Variants in ALG12 observed in about 807,000 individuals in gnomAD.
ALG12 encodes the protein ALG12 alpha-1,6-mannosyltransferase, also known as dol-P-Man:Man(7)GlcNAc(2)-PP-Dol alpha-1,6-mannosyltransferase.
In ALG12, 36 loss-of-function variants were observed where a neutral mutation model predicts 46.0. That is an observed-to-expected ratio of 0.78 (90% CI 0.60 to 1.03). ALG12 has a LOEUF of 1.03. Ranked by LOEUF, ALG12 falls within the 50% of genes least tolerant of loss-of-function variation. The pLI, the probability that ALG12 is intolerant of heterozygous loss-of-function variation, is 0.00. For synonymous variants in ALG12, 326 were observed against 291.6 expected (o/e 1.12, Z -1.20); for missense variants, 599 against 633.5 (o/e 0.95, Z 0.58).
chr22:49,884,865 G>C, the ALG12 span: 3 of 1,608,124 alleles, frequency 1.9e-6, no homozygotes, highest in Non-Finnish European at 2.6e-6. Flanking sequence ...AGTCTCACTT[G>C]AACCCTGGAG....
At chr22:49,896,322 A>G (rs1255067999), downstream of ALG12, among the ~76,000 whole-genome samples, 1 of 152,242 alleles carries the variant, frequency 6.6e-6, no homozygotes, top group African/African-American at 2.4e-5. Context: ...AGGTTTTTCC[A>G]GAAGCATCCC....
the ALG12 span, among the ~76,000 whole-genome samples, chr22:49,861,201 CTTGT>C: frequency 3.3e-5 from 5 of 151,984 alleles, no homozygotes; most frequent in Admixed American, 6.6e-5. Flanking sequence ...TCTGGTTTTT[CTTGT>C]TTGTTTGTTA....
the ALG12 span, among the ~76,000 whole-genome samples, chr22:49,893,179 G>A: frequency 0.36 from 54,217 of 152,094 alleles, 13,857 homozygotes; most frequent in African/African-American, 0.73. Flanking sequence ...GAGACACAGC[G>A]CAAGAGAAAA....
chr22:49,895,887 TAAATG>T (rs1418358270), downstream of ALG12, among the ~76,000 whole-genome samples: 2 of 152,214 alleles, frequency 1.3e-5, no homozygotes, highest in African/African-American at 4.8e-5. Flanking sequence ...CAGCTGCAGT[TAAATG>T]AGATTAGATT....
In ALG12 at chr22:49,909,248, C is replaced by A. The variant is rs781106172; in HGVS notation, c.764G>T (p.Trp255Leu). The change falls in exon 6 of 10, where the codon TGG (tryptophan) becomes TTG (leucine). Residue 255 changes from tryptophan (W) to leucine (L), a missense_variant. Trp to Leu is a moderately conservative substitution (Grantham distance 61). Coordinates refer to ENST00000330817, the MANE Select transcript of ALG12 (RefSeq NM_024105.4). ...YNTVLNKSSN[W>L]GTSPLLWYFY... Reference sequence around the variant, plus strand: ...TGCACGGACACTGAAGGATACCCCCCAGTTGGAGCTTTTGTTCAGGACAGT... The same window carrying A: ...TGCACGGACACTGAAGGATACCCCCAAGTTGGAGCTTTTGTTCAGGACAGT... 42 of 1,614,228 alleles carry A rather than the reference C, an allele frequency of 2.6e-5. No homozygotes were observed. Among genetic ancestry groups the A allele is most frequent in the Non-Finnish European group, 3.5e-5 (41 of 1,180,018 alleles).
the ALG12 span, among the ~76,000 whole-genome samples, chr22:49,879,166 A>G: frequency 8.0e-4 from 120 of 150,920 alleles, no homozygotes; most frequent in Non-Finnish European, 1.4e-3. Flanking sequence ...AAAAACAAAA[A>G]AAAACAGGAG....
the ALG12 span, among the ~76,000 whole-genome samples, chr22:49,864,997 C>A: frequency 8.0e-6 from 1 of 125,622 alleles, no homozygotes; most frequent in African/African-American, 2.9e-5. Flanking sequence ...CTGTGTTTCT[C>A]CCCTGCAAAC....
At chr22:49,914,829 G>A (rs2060600790) in intron 1 of ALG12, among the ~76,000 whole-genome samples, 2 of 152,222 alleles carry the variant, frequency 1.3e-5, no homozygotes, top group African/African-American at 4.8e-5. Flanking sequence ...TCAAACTCCT[G>A]GGATCCTTTT....
At chr22:49,871,133 G>C in the ALG12 span, among the ~76,000 whole-genome samples, 1 of 14,360 alleles carries the variant, frequency 7.0e-5, no homozygotes, top group African/African-American at 3.9e-4. Context: ...TAGAGATGGG[G>C]TTTCACCCTG....
intron 1 of ALG12, among the ~76,000 whole-genome samples, chr22:49,915,465 G>A (rs1045893158): frequency 3.3e-5 from 5 of 152,164 alleles, no homozygotes; most frequent in Admixed American, 6.6e-5. Context: ...GCTAAGGCAG[G>A]AGAATCGCTT....
At chr22:49,875,096 T>C in the ALG12 span, among the ~76,000 whole-genome samples, 2 of 152,240 alleles carry the variant, frequency 1.3e-5, no homozygotes, top group Non-Finnish European at 2.9e-5. Flanking sequence ...TAAGGATTTT[T>C]TTTCTGTGCT....
the ALG12 span, chr22:49,888,054 A>T: frequency 1.8e-5 from 3 of 167,124 alleles, no homozygotes; most frequent in Non-Finnish European, 2.9e-5. Flanking sequence ...TTTGTGTAAA[A>T]TTTTTTTAGA....
the ALG12 span, chr22:49,883,854 G>A: frequency 1.4e-5 from 22 of 1,608,082 alleles, no homozygotes; most frequent in Admixed American, 8.4e-5. Flanking sequence ...TCGGTGGGAC[G>A]GGTTGCAGCT....
At chr22:49,898,366 T>G (rs1388752358), downstream of ALG12, among the ~76,000 whole-genome samples, 9 of 151,992 alleles carry the variant, frequency 5.9e-5, no homozygotes, top group African/African-American at 2.2e-4. Context: ...AGTTTGTGGT[T>G]TGTCTTCTTA....
At chr22:49,908,953 A>G (rs2060559708) in intron 6 of ALG12, among the ~76,000 whole-genome samples, 1 of 148,336 alleles carries the variant, frequency 6.7e-6, no homozygotes, top group South Asian at 2.1e-4. Flanking sequence ...CTCAGTCTCA[A>G]AAAAAAAAAA....
At chr22:49,891,477 A>G in the ALG12 span, among the ~76,000 whole-genome samples, 1 of 152,198 alleles carries the variant, frequency 6.6e-6, no homozygotes, top group Non-Finnish European at 1.5e-5. Context: ...ATTGATGTGG[A>G]TGGTCTGCCA....
the ALG12 span, among the ~76,000 whole-genome samples, chr22:49,864,937 GCC>G: frequency 2.7e-3 from 31 of 11,340 alleles, 5 homozygotes; most frequent in African/African-American, 0.011. Context: ...ATCCCAGCAA[GCC>G]CCCCCCCCCC....
At chr22:49,884,098 G>A in the ALG12 span, 1 of 1,613,208 alleles carries the variant, frequency 6.2e-7, no homozygotes, top group Non-Finnish European at 8.5e-7. Flanking sequence ...GTTCAGCAGA[G>A]GCAAAAACGA....
chr22:49,911,667 C>T (rs1429484359), intron 3 of ALG12, among the ~76,000 whole-genome samples: 2 of 152,208 alleles, frequency 1.3e-5, no homozygotes, highest in Admixed American at 1.3e-4. Flanking sequence ...CTCCTGACCT[C>T]AGGTGATCCC....
Sources: allele counts gnomAD v4.1 joint callset (sites outside exome capture counted in the v4.1 genomes callset), GRCh38; gene constraint gnomAD v4.1.1; transcripts MANE v1.5; gene names NCBI Gene and HGNC (gene_info 2026-07-23, HGNC 2026-07-21).